SEZ6L: variants seen among roughly 807,000 people sequenced by gnomAD.
The protein encoded by SEZ6L is seizure 6-like protein.
SEZ6L carries 37 observed loss-of-function variants against 106.2 expected under a neutral mutation model. The ratio of observed to expected loss-of-function variants is 0.35; its 90% confidence interval spans 0.27 to 0.46. SEZ6L has a LOEUF of 0.46. Among genes scored for constraint, SEZ6L ranks in the 20% least tolerant of loss-of-function variants. The pLI is 1.00. For missense variants in SEZ6L, 1,172 were observed against 1,332.8 expected (o/e 0.88, Z 1.88); for synonymous variants, 541 against 570.4 (o/e 0.95, Z 0.73).
intron 12 of SEZ6L, among the ~76,000 whole-genome samples, chr22:26,356,642 AAATAAT>A (rs59145201): frequency 0.14 from 19,867 of 142,506 alleles, 1,566 homozygotes; most frequent in East Asian, 0.22. Context: ...ATTCTGTCTC[AAATAAT>A]AATAATAATA....
intron 1 of SEZ6L, among the ~76,000 whole-genome samples, chr22:26,205,883 G>A (rs942288520): frequency 1.8e-4 from 28 of 151,948 alleles, no homozygotes; most frequent in East Asian, 1.5e-3. Context: ...AGATACCAAC[G>A]CTGTCCAGGC....
At chr22:26,274,749 G>C (rs867662793) in intron 1 of SEZ6L, among the ~76,000 whole-genome samples, 1 of 152,168 alleles carries the variant, frequency 6.6e-6, no homozygotes, top group Admixed American at 6.5e-5. Flanking sequence ...CTCCGTGTGG[G>C]GCCCCATGGA....
At chr22:26,285,098 C>G (rs967442938) in intron 1 of SEZ6L, among the ~76,000 whole-genome samples, 2 of 152,132 alleles carry the variant, frequency 1.3e-5, no homozygotes, top group African/African-American at 4.8e-5. Flanking sequence ...CCTGCTGCCC[C>G]CAAGGCCACC....
At chr22:26,169,969 G>C (rs1357969716) in intron 1 of SEZ6L, among the ~76,000 whole-genome samples, 1 of 152,114 alleles carries the variant, frequency 6.6e-6, no homozygotes, top group Non-Finnish European at 1.5e-5. Context: ...TGAAGGACTC[G>C]GGCGCTTCCC....
chr22:26,377,339 CAAT>C (rs2084262602), intron 15 of SEZ6L, among the ~76,000 whole-genome samples: 1 of 152,058 alleles, frequency 6.6e-6, no homozygotes, highest in Non-Finnish European at 1.5e-5. Flanking sequence ...AGTAGGTGCT[CAAT>C]AAATGCTCAT....
intron 9 of SEZ6L, among the ~76,000 whole-genome samples, chr22:26,322,422 A>T (rs2082181036): frequency 6.6e-6 from 1 of 152,214 alleles, no homozygotes; most frequent in Non-Finnish European, 1.5e-5. Context: ...CTCAAAGTTC[A>T]GGAAGGGACA....
intron 1 of SEZ6L, among the ~76,000 whole-genome samples, chr22:26,239,191 T>C (rs942309158): frequency 6.6e-6 from 1 of 152,158 alleles, no homozygotes; most frequent in Non-Finnish European, 1.5e-5. Context: ...GCCACTGCTC[T>C]CCAGCCTGGG....
At chr22:26,210,058 A>G (rs2078112805) in intron 1 of SEZ6L, among the ~76,000 whole-genome samples, 1 of 151,442 alleles carries the variant, frequency 6.6e-6, no homozygotes, top group Admixed American at 6.6e-5. Context: ...AATACCATGC[A>G]CTATGTTAGC....
At chr22:26,203,825 C>T (rs1448636144) in intron 1 of SEZ6L, among the ~76,000 whole-genome samples, 1 of 152,070 alleles carries the variant, frequency 6.6e-6, no homozygotes, top group Admixed American at 6.6e-5. Flanking sequence ...AAGTGAGGTG[C>T]AGAAAGGGTT....
At position 26,305,813 on chromosome 22, in the gene SEZ6L, G is replaced by A. The variant is rs149743367; in HGVS notation, c.1349-166G>A. Among the ~76,000 whole-genome samples, 61 of 152,200 alleles carry A rather than the reference G, an allele frequency of 4.0e-4. No homozygotes were observed. In the East Asian group the frequency reaches 8.9e-3, roughly 22 times the overall value. ...TTCTCTCCCTGCCCGGTTTCCTCCC[G>A]CTCCAGGTCTCTGATGTTTCATCCT... On this transcript the variant is annotated intron_variant, in intron 5 of 16. Transcript: ENST00000248933.
At position 26,335,389 on chromosome 22, in the gene SEZ6L, T is replaced by C. The variant is rs140373440; in HGVS notation, c.2016-5047T>C. 6.1e-4 allele frequency among the ~76,000 whole-genome samples: 93 copies of C among 152,322 alleles called. 1 individual carries two copies. The East Asian group carries it at 0.018, about 29-fold the overall frequency. On this transcript the variant is annotated intron_variant, in intron 9 of 16. Transcript: ENST00000248933. ...ATCTTATAACCCTAAGTATCATTCA[T>C]TTTGAAACTTCATCCCTCCCTCAAC...
chr22:26,373,464 T>G lies in SEZ6L; in HGVS notation c.2808T>G (p.Ser936Arg). Residue 936 changes from serine (S) to arginine (R), a missense_variant, in exon 14 of 17, where the codon AGT (serine) becomes AGG (arginine). Ser to Arg is a moderately radical substitution (Grantham distance 110, BLOSUM62 -1). Around this residue, in one of 4 missense-constraint regions of SEZ6L, gnomAD observed 141 missense variants for 176.0 expected, o/e 0.80. Coordinates refer to ENST00000248933, the MANE Select transcript of SEZ6L (RefSeq NM_021115.5). ...TTTCTCTTTCAGTTAATCAAGACAG[T>G]TTTGAACATGCTTTAGAAGGTGAGT... ...PLPVCKVNQD[S>R]FEHALEVAEA... The G allele has an allele frequency of 6.2e-7, 1 of 1,604,350 alleles. No homozygotes were observed. Among genetic ancestry groups the G allele is most frequent in the Non-Finnish European group, 8.5e-7 (1 of 1,176,726 alleles).
chr22:26,348,674 G>GAAAGAAAGAA (rs1569473755), intron 11 of SEZ6L, among the ~76,000 whole-genome samples: 1 of 73,874 alleles, frequency 1.4e-5, no homozygotes, highest in African/African-American at 5.8e-5. Flanking sequence ...AAGAAAGAAA[G>GAAAGAAAGAA]AAAGAAAGAA....
intron 9 of SEZ6L, among the ~76,000 whole-genome samples, chr22:26,330,583 T>C (rs1392982018): frequency 1.3e-5 from 2 of 152,080 alleles, no homozygotes; most frequent in African/African-American, 4.8e-5. Context: ...TGCAAGGGGC[T>C]TGGTGTACTG....
chr22:26,196,958 C>T (rs769529406), intron 1 of SEZ6L, among the ~76,000 whole-genome samples: 1 of 152,116 alleles, frequency 6.6e-6, no homozygotes, highest in Non-Finnish European at 1.5e-5. Flanking sequence ...GCAACACTAA[C>T]GTTGAATGGA....
At chr22:26,351,493 GAGCAT>G in intron 12 of SEZ6L, 1 of 467,218 alleles carries the variant, frequency 2.1e-6, no homozygotes, top group Non-Finnish European at 3.8e-6. Context: ...GTAGCCCTGG[GAGCAT>G]AGTATACTTT....
chr22:26,197,481 G>A (rs1381095173), intron 1 of SEZ6L, among the ~76,000 whole-genome samples: 1 of 152,178 alleles, frequency 6.6e-6, no homozygotes, highest in Non-Finnish European at 1.5e-5. Flanking sequence ...TCCTTCCCAG[G>A]AGGAGAGAAC....
intron 9 of SEZ6L, among the ~76,000 whole-genome samples, chr22:26,322,745 C>T (rs2145947206): frequency 1.3e-5 from 2 of 152,330 alleles, no homozygotes; most frequent in Admixed American, 1.3e-4. Context: ...GTTGCACCAA[C>T]TTGGGATGAG....
chr22:26,371,267 C>T (rs1411157554), intron 13 of SEZ6L, among the ~76,000 whole-genome samples: 2 of 152,132 alleles, frequency 1.3e-5, no homozygotes, highest in African/African-American at 4.8e-5. Flanking sequence ...GGACAGATTC[C>T]TCAAAGCAGG....
Sources: allele counts gnomAD v4.1 joint callset (sites outside exome capture counted in the v4.1 genomes callset), GRCh38; gene constraint gnomAD v4.1.1; regional missense constraint gnomAD v4.1.1; transcripts MANE v1.5; gene names NCBI Gene and HGNC (gene_info 2026-07-23, HGNC 2026-07-21).